The following ZNF320 variants were observed in gnomAD, a reference collection of about 807,000 sequenced individuals.
ZNF320 encodes the protein zinc finger gene 320.
Under a neutral mutation model 6.8 loss-of-function variants are expected in ZNF320, and 2 were observed. The observed-to-expected ratio is 0.29, with a 90% CI of 0.12 to 0.93. The LOEUF is 0.93. ZNF320 is among the 40% of genes least tolerant of loss of function. ZNF320 has a pLI of 0.55. For missense variants in ZNF320, 472 were observed against 611.0 expected (o/e 0.77, Z 2.40); for synonymous variants, 208 against 203.2 (o/e 1.02, Z -0.20).
At chr19:52,891,081 G>A (rs1360427757) in intron 3 of ZNF320, 148 bp downstream of exon 3, 1 of 152,128 alleles carries the variant, frequency 6.6e-6, no homozygotes, top group Non-Finnish European at 1.5e-5. Context: ...CCTGGGAAGT[G>A]GAGGTTGCAA....
chr19:52,860,388 A>G (rs548356856), downstream of ZNF320, among the ~76,000 whole-genome samples: 89 of 152,156 alleles, frequency 5.8e-4, no homozygotes, highest in African/African-American at 2.1e-3. Context: ...CACCTGAGGT[A>G]AGGAGTTCCA....
intron 5 of ZNF320, 67 bp downstream of exon 5, chr19:52,888,060 A>G: frequency 1.2e-6 from 2 of 1,603,596 alleles, no homozygotes; most frequent in South Asian, 1.1e-5. Context: ...AACTCCCAAG[A>G]GAAACAAGAG....
chr19:52,883,598 A>C, intron 5 of ZNF320: 1 of 455,514 alleles, frequency 2.2e-6, no homozygotes, highest in Non-Finnish European at 4.4e-6. Flanking sequence ...CAGAATTATA[A>C]GGAATAAGAA....
At chr19:52,896,775 T>C (rs945285113) in intron 1 of ZNF320, among the ~76,000 whole-genome samples, 1 of 152,064 alleles carries the variant, frequency 6.6e-6, no homozygotes, top group Non-Finnish European at 1.5e-5. Flanking sequence ...TAAGGCCAAT[T>C]AAGGCAAACT....
At chr19:52,889,394 G>A (rs1404799275) in intron 4 of ZNF320, among the ~76,000 whole-genome samples, 1 of 151,758 alleles carries the variant, frequency 6.6e-6, no homozygotes, top group Non-Finnish European at 1.5e-5. Flanking sequence ...AGAGGGTGCA[G>A]TAAGCCAAGA....
downstream of ZNF320, chr19:52,873,923 G>A (rs2063722691): frequency 7.8e-6 from 3 of 383,174 alleles, no homozygotes; most frequent in Admixed American, 6.2e-5. Context: ...ACAGGAGACT[G>A]ACTACTACAA....
intron 5 of ZNF320, 49 bp from the exon 6 acceptor site, chr19:52,882,032 A>G (rs1300145048): frequency 1.3e-6 from 2 of 1,506,058 alleles, no homozygotes; most frequent in African/African-American, 1.4e-5. Context: ...CAGATGGTAT[A>G]AAACACTGAA....
rs910952441 is a variant in ZNF320 at position 52,896,703 on chromosome 19, C to T, written c.-270+817G>A. Among the ~76,000 whole-genome samples the T allele has an allele frequency of 2.6e-5, 4 of 152,230 alleles. No individual in the cohort carries two copies. The East Asian group carries it at 7.7e-4, about 29-fold the overall frequency. On this transcript the variant is annotated intron_variant, in intron 1 of 5. Coordinates refer to ENST00000682928, the MANE Select transcript of ZNF320 (RefSeq NM_001351774.2). ...CCGCCTGGGCAACAGAGTGAGACCC[C>T]ATCTCCAATAAAAAAGAATAAAAAA...
intron 5 of ZNF320, among the ~76,000 whole-genome samples, chr19:52,869,750 C>T (rs774757475): frequency 6.6e-6 from 1 of 151,980 alleles, no homozygotes; most frequent in Non-Finnish European, 1.5e-5. Context: ...GAGTCTTCCT[C>T]TCTCACCCAG....
At chr19:52,873,042 A>C (rs1329127250), downstream of ZNF320, among the ~76,000 whole-genome samples, 1 of 152,200 alleles carries the variant, frequency 6.6e-6, no homozygotes, top group African/African-American at 2.4e-5. Context: ...TCTCACCTCC[A>C]GCCATAGGGC....
At chr19:52,898,364 G>A (rs2064534024), upstream of ZNF320, among the ~76,000 whole-genome samples, 1 of 152,144 alleles carries the variant, frequency 6.6e-6, no homozygotes, top group South Asian at 2.1e-4. Flanking sequence ...TGGCGAGTCT[G>A]GGGTCCCGGC....
At chr19:52,862,441 T>C in exon 6 of ZNF320, 1 of 415,442 alleles carries the variant, frequency 2.4e-6, no homozygotes, top group South Asian at 1.9e-5. Flanking sequence ...CAGTATGAGT[T>C]CACTGATGAA....
chr19:52,876,013 T>C (rs1026264588), downstream of ZNF320, among the ~76,000 whole-genome samples: 3 of 152,280 alleles, frequency 2.0e-5, no homozygotes, highest in African/African-American at 4.8e-5. Flanking sequence ...GTTTTCTTCA[T>C]GAACACATGG....
chr19:52,861,292 G>C (rs866240987), exon 6 of ZNF320, among the ~76,000 whole-genome samples: 2 of 152,170 alleles, frequency 1.3e-5, no homozygotes, highest in Non-Finnish European at 2.9e-5. Flanking sequence ...AAATACTAAG[G>C]AATAAATGTA....
upstream of ZNF320, among the ~76,000 whole-genome samples, chr19:52,900,985 A>G (rs547947175): frequency 2.6e-5 from 4 of 152,146 alleles, no homozygotes; most frequent in East Asian, 1.9e-4. Flanking sequence ...CTTACTATCA[A>G]TAGTGGCACA....
chr19:52,866,869 C>CAA (rs58231328), intron 5 of ZNF320, among the ~76,000 whole-genome samples: 6 of 108,926 alleles, frequency 5.5e-5, no homozygotes, highest in South Asian at 3.0e-4. Context: ...ACAAAACATA[C>CAA]AAAAAAAAAA....
chr19:52,864,441 A>G (rs944176831), intron 5 of ZNF320, among the ~76,000 whole-genome samples: 1 of 152,194 alleles, frequency 6.6e-6, no homozygotes, highest in African/African-American at 2.4e-5. Context: ...CTTGATATTC[A>G]TTATCTGGAT....
exon 6 of ZNF320, chr19:52,863,960 G>T: frequency 4.7e-6 from 2 of 427,596 alleles, no homozygotes; most frequent in South Asian, 3.6e-5. Context: ...AATCACAAAA[G>T]AGAATACAAA....
At chr19:52,882,444 T>C (rs764921551) in intron 5 of ZNF320, among the ~76,000 whole-genome samples, 17 of 152,196 alleles carry the variant, frequency 1.1e-4, no homozygotes, top group Non-Finnish European at 2.4e-4. Context: ...TCAAAATCAA[T>C]GGAAATTCTG....
Sources: gnomAD v4.1 joint callset for allele counts (sites outside exome capture counted in the v4.1 genomes callset) on GRCh38, gnomAD v4.1.1 for gene constraint, MANE v1.5 for transcripts, NCBI Gene and HGNC (gene_info 2026-07-23, HGNC 2026-07-21) for gene names.